The following GRM7 variants were observed in gnomAD, a reference collection of about 807,000 sequenced individuals.
GRM7 encodes glutamate metabotropic receptor 7.
GRM7 carries 35 observed loss-of-function variants against 84.5 expected under a neutral mutation model. The observed-to-expected ratio is 0.41, with a 90% CI of 0.32 to 0.55. The LOEUF (loss-of-function observed/expected upper bound fraction) is 0.55, where lower values mean the gene tolerates loss of function less well. Among genes scored for constraint, GRM7 ranks in the 20% least tolerant of loss-of-function variants. The probability of loss-of-function intolerance (pLI) is 0.19; values close to 1 mark genes in which losing one functional copy is unlikely to be tolerated. For missense variants in GRM7, 1,003 were observed against 1,194.6 expected, an observed-to-expected ratio of 0.84 and a Z score of 2.36; for synonymous variants, 487 against 455.1, an observed-to-expected ratio of 1.07 and a Z score of -0.89.
chr3:7,592,677 GTGTC>G (rs1695853109), intron 8 of GRM7, among the ~76,000 whole-genome samples: 1 of 152,178 alleles, frequency 6.6e-6, no homozygotes, highest in Admixed American at 6.5e-5. Context: ...ACTCAAAACA[GTGTC>G]TGCTACCTGA....
intron 8 of GRM7, among the ~76,000 whole-genome samples, chr3:7,632,703 A>G (rs1290088226): frequency 6.6e-6 from 1 of 152,246 alleles, no homozygotes; most frequent in African/African-American, 2.4e-5. Flanking sequence ...AATTGTTTTC[A>G]TCCATAACAA....
intron 6 of GRM7, among the ~76,000 whole-genome samples, chr3:7,458,238 G>A (rs894445311): frequency 1.3e-5 from 2 of 152,136 alleles, no homozygotes; most frequent in South Asian, 2.1e-4. Context: ...TTTACTGTCT[G>A]TTACCCATCT....
chr3:7,194,990 G>A lies in GRM7; in HGVS notation c.736+48322G>A, dbSNP rs150463157. 1.7e-4 allele frequency among the ~76,000 whole-genome samples: 26 copies of A among 152,110 alleles called. No individual in the cohort carries two copies. The East Asian group carries it at 2.1e-3, about 12-fold the overall frequency. On this transcript the variant is annotated intron_variant, in intron 2 of 9. Coordinates refer to ENST00000357716, the MANE Select transcript of GRM7 (RefSeq NM_000844.4). ...ATTCATCCTTCTTGGTTCCTTATTC[G>A]CTGCTATATCCCAGAGGCCAGAACA... is the stretch of plus-strand genomic sequence containing the variant.
intron 1 of GRM7, among the ~76,000 whole-genome samples, chr3:7,087,241 T>C (rs959281353): frequency 4.6e-5 from 7 of 152,196 alleles, no homozygotes; most frequent in Admixed American, 3.3e-4. Flanking sequence ...AATATTAAAC[T>C]TTGTGGAACA....
chr3:6,890,510 A>G (rs894151126), intron 1 of GRM7, among the ~76,000 whole-genome samples: 1 of 152,164 alleles, frequency 6.6e-6, no homozygotes, highest in Non-Finnish European at 1.5e-5. Flanking sequence ...ATTTAGTAGC[A>G]GGTTGTTCAG....
chr3:6,905,498 C>A (rs1696542431), intron 1 of GRM7, among the ~76,000 whole-genome samples: 1 of 151,920 alleles, frequency 6.6e-6, no homozygotes. Context: ...CTTGGGTTTC[C>A]AAATAAATGA....
intron 8 of GRM7, among the ~76,000 whole-genome samples, chr3:7,605,405 G>C (rs990198545): frequency 6.6e-6 from 1 of 152,086 alleles, no homozygotes; most frequent in African/African-American, 2.4e-5. Context: ...AAATGTTTTT[G>C]ATAAAATGTC....
chr3:7,178,156 G>A (rs1574996789), intron 2 of GRM7, among the ~76,000 whole-genome samples: 1 of 152,282 alleles, frequency 6.6e-6, no homozygotes, highest in East Asian at 1.9e-4. Context: ...TAAAGCCAAA[G>A]TCATATCATG....
intron 1 of GRM7, among the ~76,000 whole-genome samples, chr3:6,919,587 C>T (rs374809677): frequency 2.6e-4 from 38 of 147,280 alleles, no homozygotes; most frequent in African/African-American, 8.2e-4. Context: ...TTTTTGGACA[C>T]GCTGATCAGC....
At chr3:7,697,992 G>C (rs901381529) in intron 9 of GRM7, among the ~76,000 whole-genome samples, 1 of 152,192 alleles carries the variant, frequency 6.6e-6, no homozygotes, top group Non-Finnish European at 1.5e-5. Context: ...TGAAAAGAAA[G>C]AAAAGTTTGC....
intron 1 of GRM7, among the ~76,000 whole-genome samples, chr3:7,031,504 C>A (rs1696181591): frequency 6.6e-6 from 1 of 151,892 alleles, no homozygotes; most frequent in East Asian, 1.9e-4. Context: ...GCAAGCTCCG[C>A]CTCCCGGGTT....
At chr3:6,927,181 A>G (rs2125039735) in intron 1 of GRM7, among the ~76,000 whole-genome samples, 1 of 152,250 alleles carries the variant, frequency 6.6e-6, no homozygotes, top group East Asian at 1.9e-4. Flanking sequence ...TAATCCCAGC[A>G]CTTTGGGAGG....
chr3:7,516,596 A>C (rs1280126485), intron 7 of GRM7, among the ~76,000 whole-genome samples: 1 of 151,928 alleles, frequency 6.6e-6, no homozygotes, highest in African/African-American at 2.4e-5. Flanking sequence ...TAGATTCTTA[A>C]GTGCAGGGGA....
At chr3:7,070,730 A>G (rs957255272) in intron 1 of GRM7, among the ~76,000 whole-genome samples, 2 of 151,744 alleles carry the variant, frequency 1.3e-5, no homozygotes, top group African/African-American at 4.8e-5. Context: ...CTCATATGAC[A>G]TTTTTTTCTT....
chr3:7,727,966 A>G (rs1243063440), intron 9 of GRM7, among the ~76,000 whole-genome samples: 4 of 152,124 alleles, frequency 2.6e-5, no homozygotes, highest in Non-Finnish European at 5.9e-5. Flanking sequence ...ATTCCAAGAA[A>G]GGAAAAAATA....
chr3:7,313,622 A>T (rs1432879700), intron 4 of GRM7, among the ~76,000 whole-genome samples: 1 of 152,194 alleles, frequency 6.6e-6, no homozygotes, highest in East Asian at 1.9e-4. Flanking sequence ...TTTTTTTAAA[A>T]ATAAGGAGTA....
intron 8 of GRM7, among the ~76,000 whole-genome samples, chr3:7,608,897 T>C (rs1696718924): frequency 6.6e-6 from 1 of 152,184 alleles, no homozygotes; most frequent in Non-Finnish European, 1.5e-5. Flanking sequence ...TTCTGTATGA[T>C]GTAAGAAAGG....
intron 5 of GRM7, among the ~76,000 whole-genome samples, chr3:7,431,055 T>A (rs904552216): frequency 2.0e-5 from 3 of 152,122 alleles, no homozygotes; most frequent in Non-Finnish European, 4.4e-5. Context: ...ACTGTGCTTG[T>A]TGCCGTGCTT....
At chr3:7,020,539 C>T (rs73808611) in intron 1 of GRM7, among the ~76,000 whole-genome samples, 1 of 152,142 alleles carries the variant, frequency 6.6e-6, no homozygotes, top group African/African-American at 2.4e-5. Flanking sequence ...CCCATACCTA[C>T]TGACATAATG....
Sources: gnomAD v4.1 joint callset for allele counts (sites outside exome capture counted in the v4.1 genomes callset) on GRCh38, gnomAD v4.1.1 for gene constraint, MANE v1.5 for transcripts, NCBI Gene and HGNC (gene_info 2026-07-23, HGNC 2026-07-21) for gene names.